KRT8: variants seen among roughly 807,000 people sequenced by gnomAD.
KRT8 encodes the protein keratin 8.
Under a neutral mutation model 43.0 loss-of-function variants are expected in KRT8, and 24 were observed. The ratio of observed to expected loss-of-function variants is 0.56; its 90% CI spans 0.40 to 0.78. KRT8 has a LOEUF of 0.78. Among genes scored for constraint, KRT8 ranks in the 30% least tolerant of loss-of-function variants. The pLI, the probability that KRT8 is intolerant of heterozygous loss-of-function variation, is 0.00. For missense variants in KRT8, 492 were observed against 638.4 expected (o/e 0.77, Z 2.47); for synonymous variants, 214 against 261.2 (o/e 0.82, Z 1.74).
chr12:52,904,226 C>G (rs1941454448), intron 1 of KRT8, among the ~76,000 whole-genome samples: 1 of 152,072 alleles, frequency 6.6e-6, no homozygotes, highest in South Asian at 2.1e-4. Flanking sequence ...GGGTAGTCCC[C>G]GAACAGCTGG....
upstream of KRT8, among the ~76,000 whole-genome samples, chr12:52,911,573 C>T (rs571854901): frequency 6.6e-6 from 1 of 152,246 alleles, no homozygotes; most frequent in East Asian, 1.9e-4. Flanking sequence ...AATATTAATT[C>T]ATTTAACCTT....
intron 2 of KRT8, among the ~76,000 whole-genome samples, chr12:52,930,929 T>C (rs1429192193): frequency 2.0e-5 from 3 of 152,222 alleles, no homozygotes; most frequent in Admixed American, 6.6e-5. Context: ...GAGTCATTAT[T>C]ACTACTTATC....
chr12:52,926,332 G>GCCA, intron 2 of KRT8: 1 of 600,276 alleles, frequency 1.7e-6, no homozygotes, highest in East Asian at 3.3e-5. Flanking sequence ...GGCACTAGCT[G>GCCA]CCCTCCCCAC....
intron 2 of KRT8, among the ~76,000 whole-genome samples, chr12:52,923,421 T>C (rs1400197221): frequency 6.6e-6 from 1 of 152,118 alleles, no homozygotes; most frequent in Admixed American, 6.6e-5. Flanking sequence ...TGTTTTGTTT[T>C]GTTTTGTTTT....
upstream of KRT8, among the ~76,000 whole-genome samples, chr12:52,910,972 G>C (rs1941625181): frequency 6.6e-6 from 1 of 152,180 alleles, no homozygotes; most frequent in Non-Finnish European, 1.5e-5. Flanking sequence ...AATTTCAGGA[G>C]ATGAAGTATT....
chr12:52,914,031 T>C (rs1230740697), intron 2 of KRT8, among the ~76,000 whole-genome samples: 1 of 152,182 alleles, frequency 6.6e-6, no homozygotes, highest in Non-Finnish European at 1.5e-5. Context: ...AAGACCAGCC[T>C]GACCAACATG....
chr12:52,925,122 G>C (rs1011606332), intron 2 of KRT8, among the ~76,000 whole-genome samples: 1 of 152,192 alleles, frequency 6.6e-6, no homozygotes, highest in Non-Finnish European at 1.5e-5. Flanking sequence ...TTCAGGGGAG[G>C]AGGTGCTAGG....
intron 2 of KRT8, among the ~76,000 whole-genome samples, chr12:52,919,859 G>T (rs1941848651): frequency 6.6e-6 from 1 of 152,002 alleles, no homozygotes; most frequent in South Asian, 2.1e-4. Context: ...TGTAGGCCAG[G>T]CTAGTCTTGA....
At chr12:52,945,294 T>A (rs1942326939) in intron 2 of KRT8, among the ~76,000 whole-genome samples, 1 of 152,106 alleles carries the variant, frequency 6.6e-6, no homozygotes, top group South Asian at 2.1e-4. Context: ...TCCCAGGCGA[T>A]CCCTTCCTCC....
At chr12:52,911,015 T>G (rs567416034), upstream of KRT8, among the ~76,000 whole-genome samples, 38 of 152,290 alleles carry the variant, frequency 2.5e-4, no homozygotes, top group Middle Eastern at 6.8e-3. Context: ...GGTAGGAGTC[T>G]CCTTTGACCA....
At chr12:52,897,857 T>C (rs888307681) in intron 7 of KRT8, among the ~76,000 whole-genome samples, 3 of 152,194 alleles carry the variant, frequency 2.0e-5, no homozygotes, top group Non-Finnish European at 4.4e-5. Context: ...GCACCTCAGC[T>C]TCCTCAACTG....
At chr12:52,898,630 A>G (rs372707196) in intron 6 of KRT8, 49 bp downstream of exon 6, 3 of 1,611,856 alleles carry the variant, frequency 1.9e-6, no homozygotes, top group Non-Finnish European at 8.5e-7. Flanking sequence ...TCCCCACCCC[A>G]GGTCCCAGGG....
At chr12:52,916,679 T>C (rs968252026) in intron 2 of KRT8, among the ~76,000 whole-genome samples, 18 of 152,152 alleles carry the variant, frequency 1.2e-4, no homozygotes, top group Admixed American at 7.2e-4. Context: ...CTTAGCTTGG[T>C]TCATCCCACA....
At chr12:52,918,180 GGAAGAAGAAGAAGAAGAAGAAGAACAA>G (rs1307603273) in intron 2 of KRT8, among the ~76,000 whole-genome samples, 33 of 73,814 alleles carry the variant, frequency 4.5e-4, no homozygotes, top group African/African-American at 1.6e-3. Context: ...AAGAGGAAGA[GGAAGAAGAAGAAGAAGAAGAAGAACAA>G]GAAGAAGAAG....
intron 2 of KRT8, among the ~76,000 whole-genome samples, chr12:52,925,861 C>T (rs559377151): frequency 2.0e-5 from 3 of 152,226 alleles, no homozygotes; most frequent in African/African-American, 7.2e-5. Context: ...ACCCAGGTTC[C>T]AGTTCCAGGG....
At chr12:52,919,293 C>T (rs890086567) in intron 2 of KRT8, among the ~76,000 whole-genome samples, 1 of 152,110 alleles carries the variant, frequency 6.6e-6, no homozygotes, top group Admixed American at 6.6e-5. Flanking sequence ...GACAGAGTCT[C>T]ACTCTGTCAC....
intron 2 of KRT8, among the ~76,000 whole-genome samples, chr12:52,935,114 C>T (rs1439826328): frequency 1.3e-5 from 2 of 150,800 alleles, no homozygotes; most frequent in East Asian, 3.9e-4. Flanking sequence ...GGCGTGGTGG[C>T]TCATGCCCGT....
intron 2 of KRT8, among the ~76,000 whole-genome samples, chr12:52,937,613 G>T (rs982363678): frequency 6.6e-6 from 1 of 151,292 alleles, no homozygotes; most frequent in African/African-American, 2.4e-5. Context: ...ACTTGAATCC[G>T]GGAGGCAAAT....
chr12:52,918,207 A>AGAAGAAGAAGAG (rs1941808483), intron 2 of KRT8, among the ~76,000 whole-genome samples: 2 of 121,676 alleles, frequency 1.6e-5, no homozygotes, highest in South Asian at 5.5e-4. Flanking sequence ...AAGAAGAACA[A>AGAAGAAGAAGAG]GAAGAAGAAG....
Sources: allele counts gnomAD v4.1 joint callset (sites outside exome capture counted in the v4.1 genomes callset), GRCh38; gene constraint gnomAD v4.1.1; transcripts MANE v1.5; gene names NCBI Gene and HGNC (gene_info 2026-07-23, HGNC 2026-07-21).